The following MYCBP2 variants were observed in gnomAD, a reference collection of about 807,000 sequenced individuals.
MYCBP2 encodes the protein MYC binding protein 2, also known as E3 ubiquitin-protein ligase MYCBP2.
A neutral mutation model predicts 525.3 loss-of-function variants in MYCBP2; 120 were observed. The ratio of observed to expected loss-of-function variants is 0.23; its 90% CI spans 0.20 to 0.27. The LOEUF is 0.27. MYCBP2 is among the 10% of genes least tolerant of loss of function. The probability of loss-of-function intolerance (pLI) is 1.00; values close to 1 mark genes in which losing one functional copy is unlikely to be tolerated. For missense variants in MYCBP2, 4,149 were observed against 5,657.1 expected, an observed-to-expected ratio of 0.73 and a Z score of 8.55; for synonymous variants, 1,894 against 1,955.8, an observed-to-expected ratio of 0.97 and a Z score of 0.83.
chr13:77,172,390 T>C (rs2059232274), intron 37 of MYCBP2, among the ~76,000 whole-genome samples: 1 of 152,092 alleles, frequency 6.6e-6, no homozygotes, highest in Non-Finnish European at 1.5e-5. Flanking sequence ...GTAGGCCACA[T>C]AATGACTTTA....
intron 26 of MYCBP2, among the ~76,000 whole-genome samples, chr13:77,200,561 G>A (rs1002078292): frequency 8.5e-5 from 13 of 152,206 alleles, no homozygotes; most frequent in Middle Eastern, 3.4e-3. Flanking sequence ...GATACTCCTT[G>A]AGAAGAGCAA....
chr13:77,303,606 G>T (rs2079051778), intron 1 of MYCBP2, among the ~76,000 whole-genome samples: 1 of 151,096 alleles, frequency 6.6e-6, no homozygotes, highest in African/African-American at 2.4e-5. Context: ...AAAAAAACAA[G>T]ACTTCTAAAT....
In MYCBP2 at chr13:77,256,795, G is replaced by T. The variant is rs546959008; in HGVS notation, c.2176+876C>A. ...CACTGTTAGTGAGAATGTAAATTTA[G>T]TACAGCCACTCTGGAGAGAACAGTA... On this transcript the variant is annotated intron_variant, in intron 14 of 82. Transcript: ENST00000544440. Among the ~76,000 whole-genome samples the T allele has an allele frequency of 2.6e-5, 4 of 152,036 alleles. No individual in the cohort carries two copies. In the East Asian group the frequency reaches 7.7e-4, roughly 29 times the overall value.
intron 41 of MYCBP2, 149 bp from the exon 42 acceptor site, chr13:77,165,540 A>T (rs951165459): frequency 8.5e-6 from 5 of 589,556 alleles, no homozygotes; most frequent in Non-Finnish European, 1.2e-5. Context: ...TGCGGCGGGG[A>T]GCGTTCCTAT....
chr13:77,088,942 A>C lies in MYCBP2; in HGVS notation c.10615T>G (p.Phe3539Val), dbSNP rs767389433. ...ACAAAAGCTAAAACTGGCCACTGGA[A>C]ATTTCGTTCTCCTTTAGAAAGAGAG... Reference protein sequence around the residue: ...HSSLSKGERNFQWPVLAFVIQ... With the variant: ...HSSLSKGERNVQWPVLAFVIQ... The change falls in exon 61 of 83, where the codon TTC (phenylalanine) becomes GTC (valine). Residue 3539 changes from phenylalanine to valine, a missense_variant. Physicochemically the swap from Phe to Val is conservative, Grantham distance 50. Around this residue, in one of 21 missense-constraint regions of MYCBP2, gnomAD observed 509 missense variants for 789.4 expected, o/e 0.64. Coordinates refer to ENST00000544440, the MANE Select transcript of MYCBP2 (RefSeq NM_015057.5). 13 of 1,613,570 alleles carry C rather than the reference A, an allele frequency of 8.1e-6. No homozygotes were observed. Among genetic ancestry groups the C allele is most frequent in the Non-Finnish European group, 4.2e-6 (5 of 1,179,630 alleles).
intron 46 of MYCBP2, among the ~76,000 whole-genome samples, chr13:77,152,409 T>TATATC (rs1462944308): frequency 6.6e-6 from 1 of 151,494 alleles, no homozygotes; most frequent in African/African-American, 2.4e-5. Context: ...CAGACAGGAG[T>TATATC]CAGGGATATA....
intron 79 of MYCBP2, 47 bp downstream of exon 79, chr13:77,056,939 A>G (rs2038218496): frequency 7.1e-7 from 1 of 1,411,568 alleles, no homozygotes; most frequent in African/African-American, 1.4e-5. Context: ...GGTGAAAAGA[A>G]AGAACAAAAG....
chr13:77,187,948 G>A (rs2060893835), intron 30 of MYCBP2, among the ~76,000 whole-genome samples: 1 of 151,948 alleles, frequency 6.6e-6, no homozygotes, highest in South Asian at 2.1e-4. Flanking sequence ...GCAGGCGCCT[G>A]TAATCCCAGC....
rs185795179 is a variant in MYCBP2, at chr13:77,244,944, C to T, written c.2382-993G>A. Among the ~76,000 whole-genome samples, 120 of 152,178 alleles carry T rather than the reference C, an allele frequency of 7.9e-4. 2 individuals are homozygous for T. The highest frequency in any genetic ancestry group is 3.1e-3 in the East Asian group (16 of 5,184). ...ACAAACCACCCCATCAAAAAGTGGG[C>T]GAAGGATAAGAACAGACACTTCTCA... On this transcript the variant is annotated intron_variant, in intron 15 of 82. Coordinates refer to ENST00000544440, the MANE Select transcript of MYCBP2 (RefSeq NM_015057.5).
At chr13:77,046,688 A>T (rs867209743) in intron 82 of MYCBP2, among the ~76,000 whole-genome samples, 3 of 152,242 alleles carry the variant, frequency 2.0e-5, no homozygotes, top group African/African-American at 7.2e-5. Flanking sequence ...TAGAGTGTCA[A>T]ACTGAAGACA....
rs183282142 is a variant in MYCBP2 at position 77,312,441 on chromosome 13, G to T, written c.302+14033C>A. On this transcript the variant is annotated intron_variant, in intron 1 of 82. Coordinates refer to ENST00000544440, the MANE Select transcript of MYCBP2 (RefSeq NM_015057.5). ...GTATGCATGACAACTATAACATAAA[G>T]GTCTCTGGGGGAGGGGAGAATAAAA... Among the ~76,000 whole-genome samples, 54 of 152,094 alleles carry T rather than the reference G, an allele frequency of 3.6e-4. 3 individuals are homozygous for T. The highest frequency in any genetic ancestry group is 3.0e-3 in the Admixed American group (46 of 15,274).
At chr13:77,202,812 G>A (rs2062796246) in intron 26 of MYCBP2, among the ~76,000 whole-genome samples, 2 of 152,214 alleles carry the variant, frequency 1.3e-5, no homozygotes, top group Non-Finnish European at 2.9e-5. Context: ...TATCTCAACA[G>A]ATGCAGAAAA....
At chr13:77,150,713 C>T (rs1007768274) in intron 47 of MYCBP2, 21 bp downstream of exon 47, 1 of 1,596,756 alleles carries the variant, frequency 6.3e-7, no homozygotes, top group Admixed American at 1.7e-5. Context: ...TAAAATTTTT[C>T]TGATAAGTAA....
At chr13:77,280,109 T>C (rs9593221) in intron 3 of MYCBP2, among the ~76,000 whole-genome samples, 4,603 of 152,318 alleles carry the variant, frequency 0.03, 240 homozygotes, top group African/African-American at 0.1. Flanking sequence ...CAGAAATACA[T>C]TTTCTAAACC....
At chr13:77,300,394 T>C (rs1200577140) in intron 1 of MYCBP2, among the ~76,000 whole-genome samples, 3 of 152,136 alleles carry the variant, frequency 2.0e-5, no homozygotes, top group Admixed American at 1.3e-4. Context: ...AAGAGAGGAG[T>C]GTGCATATAT....
chr13:77,247,435 A>G (rs1272066132), intron 15 of MYCBP2, among the ~76,000 whole-genome samples: 1 of 152,228 alleles, frequency 6.6e-6, no homozygotes, highest in Non-Finnish European at 1.5e-5. Flanking sequence ...TAAAGATGAC[A>G]TAAGTAGAAA....
At chr13:77,235,866 A>G (rs1467298198) in intron 17 of MYCBP2, among the ~76,000 whole-genome samples, 1 of 152,088 alleles carries the variant, frequency 6.6e-6, no homozygotes, top group Non-Finnish European at 1.5e-5. Flanking sequence ...GAGGTCAAAT[A>G]AAGGAGGTAA....
At chr13:77,248,104 C>A (rs182845892) in intron 15 of MYCBP2, among the ~76,000 whole-genome samples, 15 of 147,970 alleles carry the variant, frequency 1.0e-4, no homozygotes, top group East Asian at 2.0e-4. Context: ...AACTAACCTG[C>A]ACGTTGCGCA....
At chr13:77,238,053 C>A (rs939982239) in intron 17 of MYCBP2, among the ~76,000 whole-genome samples, 25 of 152,042 alleles carry the variant, frequency 1.6e-4, no homozygotes, top group Admixed American at 5.9e-4. Context: ...GCTATCCTGG[C>A]TAACAAAGTG....
Sources: gnomAD v4.1 joint callset for allele counts (sites outside exome capture counted in the v4.1 genomes callset) on GRCh38, gnomAD v4.1.1 for gene constraint, gnomAD v4.1.1 regional missense constraint, MANE v1.5 for transcripts, NCBI Gene and HGNC (gene_info 2026-07-23, HGNC 2026-07-21) for gene names.